The following HIPK3 variants were observed in gnomAD, a reference collection of about 807,000 sequenced individuals.
HIPK3 encodes homeodomain interacting protein kinase 3, also known as homeodomain-interacting protein kinase 3.
Under a neutral mutation model 124.2 loss-of-function variants are expected in HIPK3, and 47 were observed. That is an observed-to-expected ratio of 0.38 (90% confidence interval 0.30 to 0.48). The LOEUF (loss-of-function observed/expected upper bound fraction) is 0.48, where lower values mean the gene tolerates loss of function less well. Among genes scored for constraint, HIPK3 ranks in the 20% least tolerant of loss-of-function variants. The pLI is 0.98. For synonymous variants in HIPK3, 482 were observed against 515.2 expected (o/e 0.94, Z 0.87); for missense variants, 1,286 against 1,454.3 (o/e 0.88, Z 1.88).
chr11:33,289,939 A>G (rs1851655570), intron 2 of HIPK3, among the ~76,000 whole-genome samples: 1 of 152,196 alleles, frequency 6.6e-6, no homozygotes, highest in South Asian at 2.1e-4. Context: ...TGCCTGGCTT[A>G]TTTCACGTAA....
At chr11:33,312,101 C>G (rs959369878) in intron 2 of HIPK3, among the ~76,000 whole-genome samples, 1 of 152,304 alleles carries the variant, frequency 6.6e-6, no homozygotes, top group South Asian at 2.1e-4. Context: ...CTCAAGCTAT[C>G]CTTCTGCCTC....
rs149436842 is a variant in HIPK3, at chr11:33,272,450, T to A, written c.-2-13963T>A. On this transcript the variant is annotated intron_variant, in intron 1 of 16. Coordinates refer to ENST00000303296, the MANE Select transcript of HIPK3 (RefSeq NM_005734.5). ...ATGTCGTTTCTTTGTGGGTACTGTCTTGAGAAGCTGCTTGTTTTCTTAACT... is the reference window on the plus strand; with the variant it reads ...ATGTCGTTTCTTTGTGGGTACTGTCATGAGAAGCTGCTTGTTTTCTTAACT... Among the ~76,000 whole-genome samples, 7 of 152,220 alleles carry A rather than the reference T, an allele frequency of 4.6e-5. No individual in the cohort carries two copies. The East Asian group carries it at 1.4e-3, about 29-fold the overall frequency.
chr11:33,305,226 T>C lies in HIPK3; in HGVS notation c.1097+17715T>C, dbSNP rs1293114896. Among the ~76,000 whole-genome samples, 4 of 152,182 alleles carry C rather than the reference T, an allele frequency of 2.6e-5. No individual in the cohort carries two copies. In the East Asian group the frequency reaches 7.7e-4, roughly 29 times the overall value. The stretch of plus-strand genomic sequence containing the variant: ...CACGTTGGCCAGGTTGGTCTCGAAC[T>C]CCTGACCTTAAGTGATCTGCCTGCC... On this transcript the variant is annotated intron_variant, in intron 2 of 16. Transcript: ENST00000303296.
At chr11:33,348,861 C>T (rs768351241) in intron 13 of HIPK3, 43 bp downstream of exon 13, 2 of 1,548,058 alleles carry the variant, frequency 1.3e-6, no homozygotes, top group East Asian at 4.5e-5. Flanking sequence ...TAGATGGCAT[C>T]CTTTGGTGTG....
In HIPK3 at chr11:33,356,228, A is replaced by T. The variant is rs1255507552; in HGVS notation, c.*2660A>T. On this transcript the variant is annotated 3_prime_UTR_variant, in exon 17 of 17. Coordinates refer to ENST00000303296, the MANE Select transcript of HIPK3 (RefSeq NM_005734.5). ...TCAACATTTTCATAATACAGTATTA[A>T]TGTTTGATAAAGGTATATCCCAGTT... is the stretch of plus-strand genomic sequence containing the variant. 2.6e-5 allele frequency: 4 copies of T among 152,042 alleles called. No individual in the cohort carries two copies. The highest frequency in any genetic ancestry group is 5.9e-5 in the Non-Finnish European group (4 of 67,896). The allele number at this position is 152,042 out of a possible 1,614,324, so 9.4% of individuals were successfully genotyped here.
At chr11:33,258,122 G>C (rs1365344873) in intron 1 of HIPK3, among the ~76,000 whole-genome samples, 1 of 152,014 alleles carries the variant, frequency 6.6e-6, no homozygotes, top group African/African-American at 2.4e-5. Context: ...CCTCGAAGCC[G>C]GCGCCACGCC....
rs1853524125 is a variant in HIPK3, at chr11:33,347,311, G to A, written c.1916G>A (p.Gly639Asp). ...TTCACAGGTATTCCTGCAACACATG[G>A]TAAACCCACCAGTTATTCAATAAGG... Reference protein sequence around the residue: ...PAIQGIPATHGKPTSYSIRVD... With the variant: ...PAIQGIPATHDKPTSYSIRVD... Residue 639 changes from glycine (G) to aspartate (D), a missense_variant, in exon 9 of 17, where the codon GGT becomes GAT. This residue lies in a region of HIPK3 where 810 missense variants were observed against 864.9 expected (regional missense o/e 0.94). Coordinates refer to ENST00000303296, the MANE Select transcript of HIPK3 (RefSeq NM_005734.5). 10 of 1,613,244 alleles carry A rather than the reference G, an allele frequency of 6.2e-6. No individual in the cohort carries two copies. The highest frequency in any genetic ancestry group is 7.6e-6 in the Non-Finnish European group (9 of 1,179,442).
intron 2 of HIPK3, among the ~76,000 whole-genome samples, chr11:33,313,503 T>G (rs1397907617): frequency 6.6e-6 from 1 of 152,140 alleles, no homozygotes; most frequent in Non-Finnish European, 1.5e-5. Context: ...TCAGAAAAAT[T>G]ATATTTGTGT....
rs1853791937 is a variant in HIPK3, at chr11:33,355,511, G to A, written c.*1943G>A. 1 of 151,926 alleles carries A rather than the reference G, an allele frequency of 6.6e-6. No individual in the cohort carries two copies. The highest frequency in any genetic ancestry group is 2.4e-5 in the African/African-American group (1 of 41,428). The allele number at this position is 151,926 out of a possible 1,614,324, so 9.4% of individuals were successfully genotyped here. The stretch of plus-strand genomic sequence containing the variant: ...ACTGGAATAAACAGTACAAAGCATT[G>A]GAGTGTAAAACTCTAGATGTTTTGG... On this transcript the variant is annotated 3_prime_UTR_variant, in exon 17 of 17. Coordinates refer to ENST00000303296, the MANE Select transcript of HIPK3 (RefSeq NM_005734.5).
At chr11:33,258,402 T>G in intron 1 of HIPK3, 1 of 985,692 alleles carries the variant, frequency 1.0e-6, no homozygotes, top group Non-Finnish European at 1.2e-6. Flanking sequence ...CGTCCCGGGC[T>G]TTGTGGCCCC....
rs956500593 is a variant in HIPK3, at chr11:33,257,526, C to T, written c.-366C>T. ...AGGAATGGGCCCCAATCGCCGTGGG[C>T]CCCGCACCCTGCGTCGCCCGTAGGC... On this transcript the variant is annotated 5_prime_UTR_variant, in exon 1 of 17. Coordinates refer to ENST00000303296, the MANE Select transcript of HIPK3 (RefSeq NM_005734.5). The T allele has an allele frequency of 1.0e-6, 1 of 985,490 alleles. No individual in the cohort carries two copies. Among genetic ancestry groups the T allele is most frequent in the Non-Finnish European group, 1.2e-6 (1 of 830,098 alleles). 61.0% of individuals were successfully genotyped at this position (985,490 alleles called of 1,614,324 possible). A position where few individuals can be genotyped will look rare whatever the true frequency, so the allele number is the denominator to read the frequency against.
intron 2 of HIPK3, among the ~76,000 whole-genome samples, chr11:33,324,376 C>T (rs1286362365): frequency 6.6e-6 from 1 of 152,186 alleles, no homozygotes; most frequent in East Asian, 1.9e-4. Context: ...ATAGAAAATG[C>T]ATGGCATGCT....
intron 1 of HIPK3, among the ~76,000 whole-genome samples, chr11:33,261,403 T>C (rs1281416984): frequency 6.6e-6 from 1 of 151,974 alleles, no homozygotes; most frequent in Non-Finnish European, 1.5e-5. Flanking sequence ...TGTCTGTTGT[T>C]CCCCTCTTTG....
chr11:33,258,496 A>T (rs1294790735), intron 1 of HIPK3: 1 of 985,080 alleles, frequency 1.0e-6, no homozygotes, highest in Admixed American at 6.2e-5. Flanking sequence ...GGGGAGGAGA[A>T]ATGTGATCCG....
Position 33,257,853 on chromosome 11 carries a change from G to A in HIPK3, c.-39G>A, listed in dbSNP as rs1056476689. ...CACCCCGGACATGCTCAGGGCTGCGGCCGCCCGAAGAGGAGAGAGCGCGGG... is the reference window on the plus strand; with the variant it reads ...CACCCCGGACATGCTCAGGGCTGCGACCGCCCGAAGAGGAGAGAGCGCGGG... On this transcript the variant is annotated 5_prime_UTR_variant, in exon 1 of 17. Coordinates refer to ENST00000303296, the MANE Select transcript of HIPK3 (RefSeq NM_005734.5). The A allele has an allele frequency of 4.1e-6, 4 of 985,616 alleles. No homozygotes were observed. Among genetic ancestry groups the A allele is most frequent in the Non-Finnish European group, 4.8e-6 (4 of 830,194 alleles). 61.1% of individuals were successfully genotyped at this position (985,616 alleles called of 1,614,324 possible). A position where few individuals can be genotyped will look rare whatever the true frequency, so the allele number is the denominator to read the frequency against.
intron 2 of HIPK3, among the ~76,000 whole-genome samples, chr11:33,295,604 T>C (rs931411932): frequency 2.6e-5 from 4 of 152,262 alleles, no homozygotes; most frequent in African/African-American, 9.6e-5. Context: ...AGCAGCTCCT[T>C]ACATCTTTCT....
rs763018164 is a variant in HIPK3 at position 33,264,413 on chromosome 11, A to G, written c.-3+6524A>G. ...GTACTGATGAGGTCTGACCCTGCTT[A>G]GCCTCCAAGATCAGGCAAGTTCCAA... On this transcript the variant is annotated intron_variant, in intron 1 of 16. Transcript: ENST00000303296. Among the ~76,000 whole-genome samples the G allele has an allele frequency of 6.9e-4, 105 of 152,180 alleles. 1 individual carries two copies. Among genetic ancestry groups the G allele is most frequent in the Non-Finnish European group, 2.6e-4 (18 of 68,030 alleles).
intron 2 of HIPK3, among the ~76,000 whole-genome samples, chr11:33,319,918 GTGAGGGTT>G (rs1852615985): frequency 6.6e-6 from 1 of 152,232 alleles, no homozygotes; most frequent in Non-Finnish European, 1.5e-5. Flanking sequence ...CCATGTGTTG[GTGAGGGTT>G]TACTCTTCTA....
intron 2 of HIPK3, among the ~76,000 whole-genome samples, chr11:33,315,068 AT>A (rs1455521265): frequency 6.6e-6 from 1 of 152,138 alleles, no homozygotes; most frequent in Admixed American, 6.5e-5. Context: ...TCATACATTA[AT>A]TTTTCGACAT....
Sources: gnomAD v4.1 joint callset for allele counts (sites outside exome capture counted in the v4.1 genomes callset) on GRCh38, gnomAD v4.1.1 for gene constraint, gnomAD v4.1.1 regional missense constraint, MANE v1.5 for transcripts, NCBI Gene and HGNC (gene_info 2026-07-23, HGNC 2026-07-21) for gene names.